Variants in RBFOX1 observed in about 807,000 individuals in gnomAD.
RBFOX1 encodes the protein RNA binding fox-1 homolog 1.
A neutral mutation model predicts 57.7 loss-of-function variants in RBFOX1; 8 were observed. That is an observed-to-expected ratio of 0.14 (90% CI 0.08 to 0.25). The LOEUF (loss-of-function observed/expected upper bound fraction) is 0.25. Ranked by LOEUF, RBFOX1 falls within the 10% of genes least tolerant of loss-of-function variation. The pLI is 1.00. For synonymous variants in RBFOX1, 326 were observed against 222.4 expected, an observed-to-expected ratio of 1.47 and a Z score of -4.15; for missense variants, 611 against 548.5, an observed-to-expected ratio of 1.11 and a Z score of -1.14.
intron 3 of RBFOX1, among the ~76,000 whole-genome samples, chr16:5,611,708 A>ATCCGTCCATCTATCCATCCG (rs2047799346): frequency 6.9e-6 from 1 of 145,776 alleles, no homozygotes; most frequent in African/African-American, 2.5e-5. Context: ...CCACTCTCCC[A>ATCCGTCCATCTATCCATCCG]TCCATCCATC....
At chr16:6,712,883 GTTTT>G (rs61328266) in intron 3 of RBFOX1, among the ~76,000 whole-genome samples, 6,313 of 82,980 alleles carry the variant, frequency 0.076, 220 homozygotes, top group Middle Eastern at 0.13. Flanking sequence ...TCATGGGGGT[GTTTT>G]TTTTTTTTTT....
intron 1 of RBFOX1, among the ~76,000 whole-genome samples, chr16:5,247,355 C>G (rs1324038392): frequency 2.6e-5 from 4 of 152,324 alleles, no homozygotes; most frequent in Non-Finnish European, 4.4e-5. Context: ...GAGAATCCAG[C>G]CTTGGTGGAG....
intron 1 of RBFOX1, among the ~76,000 whole-genome samples, chr16:6,029,924 T>G (rs1567292879): frequency 1.3e-5 from 2 of 150,998 alleles, no homozygotes; most frequent in African/African-American, 2.5e-5. Context: ...ATTATTGTTA[T>G]TTTTTTGAGA....
intron 3 of RBFOX1, among the ~76,000 whole-genome samples, chr16:6,842,457 T>C (rs1397253226): frequency 1.3e-5 from 2 of 152,118 alleles, no homozygotes; most frequent in Non-Finnish European, 2.9e-5. Flanking sequence ...TATATTTATA[T>C]ACAAATATGA....
chr16:7,499,127 G>C (rs911326053), intron 4 of RBFOX1, among the ~76,000 whole-genome samples: 4 of 152,214 alleles, frequency 2.6e-5, no homozygotes, highest in African/African-American at 9.6e-5. Context: ...CTGGCTCACA[G>C]TTCTGGAGGC....
intron 4 of RBFOX1, among the ~76,000 whole-genome samples, chr16:7,404,163 C>G (rs2098295267): frequency 6.6e-6 from 1 of 151,828 alleles, no homozygotes; most frequent in Non-Finnish European, 1.5e-5. Context: ...AGCGATTCTC[C>G]TGCCTCAGCC....
chr16:6,615,380 G>C (rs1263577998), intron 2 of RBFOX1, among the ~76,000 whole-genome samples: 1 of 152,088 alleles, frequency 6.6e-6, no homozygotes, highest in African/African-American at 2.4e-5. Flanking sequence ...GACCAGCCTG[G>C]CCAACATGCC....
chr16:6,082,817 A>C (rs2096024465), intron 1 of RBFOX1, among the ~76,000 whole-genome samples: 1 of 152,114 alleles, frequency 6.6e-6, no homozygotes, highest in Non-Finnish European at 1.5e-5. Flanking sequence ...GGCCTACCTT[A>C]CATAGCTGCA....
intron 1 of RBFOX1, among the ~76,000 whole-genome samples, chr16:6,181,743 T>G (rs2097064836): frequency 6.6e-6 from 1 of 152,190 alleles, no homozygotes; most frequent in African/African-American, 2.4e-5. Flanking sequence ...TCCTGTCATC[T>G]ATTAGTGGGT....
At chr16:6,506,352 G>A (rs2096089264) in intron 2 of RBFOX1, among the ~76,000 whole-genome samples, 1 of 152,048 alleles carries the variant, frequency 6.6e-6, no homozygotes, top group Admixed American at 6.5e-5. Context: ...AGATCTATGG[G>A]GAAGGCATTG....
rs183565634 is a variant in RBFOX1 at position 6,606,886 on chromosome 16, C to G, written c.-63-47717C>G. Among the ~76,000 whole-genome samples the G allele has an allele frequency of 3.3e-3, 496 of 152,158 alleles. 7 individuals carry two copies. The highest frequency in any genetic ancestry group is 0.011 in the African/African-American group (456 of 41,510). On this transcript the variant is annotated intron_variant, in intron 2 of 15. Coordinates refer to ENST00000550418, the MANE Select transcript of RBFOX1 (RefSeq NM_018723.4). ...GGGTATATACCCAGTAATAGGATTG[C>G]TGGGTCAAATGGTGTTTCTTGTTCT... is the stretch of plus-strand genomic sequence containing the variant.
intron 2 of RBFOX1, among the ~76,000 whole-genome samples, chr16:6,501,211 A>G (rs2095910945): frequency 1.4e-5 from 2 of 146,182 alleles, no homozygotes; most frequent in African/African-American, 2.6e-5. Context: ...ACATATGTAT[A>G]CATGTGCCAT....
At chr16:6,953,527 G>A (rs953074821) in intron 3 of RBFOX1, among the ~76,000 whole-genome samples, 3 of 151,890 alleles carry the variant, frequency 2.0e-5, no homozygotes, top group Admixed American at 6.6e-5. Flanking sequence ...CTGGGATTAC[G>A]GGGGTGTGTC....
At chr16:6,614,395 C>A (rs2098114620) in intron 2 of RBFOX1, among the ~76,000 whole-genome samples, 1 of 152,146 alleles carries the variant, frequency 6.6e-6, no homozygotes, top group Non-Finnish European at 1.5e-5. Flanking sequence ...ATATTGGTAT[C>A]TGCCTAGAAA....
chr16:6,014,509 G>A (rs2094981514), upstream of RBFOX1, among the ~76,000 whole-genome samples: 1 of 152,176 alleles, frequency 6.6e-6, no homozygotes, highest in South Asian at 2.1e-4. Flanking sequence ...CACGATAGAT[G>A]GTGAGTGAGT....
chr16:6,754,161 C>G (rs2075404530), intron 3 of RBFOX1, among the ~76,000 whole-genome samples: 1 of 152,108 alleles, frequency 6.6e-6, no homozygotes, highest in Non-Finnish European at 1.5e-5. Context: ...CTTTTGAGTA[C>G]AAATTGATTG....
At chr16:7,343,870 G>C (rs1027509454) in intron 4 of RBFOX1, among the ~76,000 whole-genome samples, 1 of 152,020 alleles carries the variant, frequency 6.6e-6, no homozygotes, top group South Asian at 2.1e-4. Flanking sequence ...GTTGTTAAAG[G>C]AACCAAATCA....
At chr16:5,850,006 C>G (rs946564746) in intron 3 of RBFOX1, among the ~76,000 whole-genome samples, 3 of 152,152 alleles carry the variant, frequency 2.0e-5, no homozygotes, top group Non-Finnish European at 4.4e-5. Context: ...GTTTCTCCTT[C>G]TAATTAATTT....
intron 3 of RBFOX1, among the ~76,000 whole-genome samples, chr16:6,734,353 A>C (rs12925900): frequency 0.21 from 32,149 of 152,176 alleles, 3,627 homozygotes; most frequent in East Asian, 0.42. Context: ...TTTTGAATTC[A>C]CAAGATTGCT....
Sources: gnomAD v4.1 joint callset for allele counts (sites outside exome capture counted in the v4.1 genomes callset) on GRCh38, gnomAD v4.1.1 for gene constraint, MANE v1.5 for transcripts, NCBI Gene and HGNC (gene_info 2026-07-23, HGNC 2026-07-21) for gene names.